MAP4K4: variants seen among roughly 807,000 people sequenced by gnomAD.
The protein encoded by MAP4K4 is HPK/GCK-like kinase HGK.
MAP4K4 carries 38 observed loss-of-function variants against 189.6 expected under a neutral mutation model. That is an observed-to-expected ratio of 0.20 (90% CI 0.15 to 0.26). MAP4K4 has a LOEUF of 0.26. Ranked by LOEUF, MAP4K4 falls within the 10% of genes least tolerant of loss-of-function variation. MAP4K4 has a pLI of 1.00. For synonymous variants in MAP4K4, 610 were observed against 624.3 expected, an observed-to-expected ratio of 0.98 and a Z score of 0.34; for missense variants, 1,054 against 1,726.9, an observed-to-expected ratio of 0.61 and a Z score of 6.91.
intron 2 of MAP4K4, among the ~76,000 whole-genome samples, chr2:101,733,608 C>T (rs2059337349): frequency 6.6e-6 from 1 of 152,174 alleles, no homozygotes; most frequent in Non-Finnish European, 1.5e-5. Context: ...AGGCTCTCAC[C>T]TTGTCACACC....
At chr2:101,882,775 T>G in intron 28 of MAP4K4, 90 bp downstream of exon 28, 1 of 1,300,916 alleles carries the variant, frequency 7.7e-7, no homozygotes, top group Non-Finnish European at 1.0e-6. Flanking sequence ...TTTTTGAAGT[T>G]TGTAATAATA....
intron 2 of MAP4K4, among the ~76,000 whole-genome samples, chr2:101,771,550 T>C (rs2081419052): frequency 6.6e-6 from 1 of 152,204 alleles, no homozygotes; most frequent in African/African-American, 2.4e-5. Flanking sequence ...ATTTTTCAGG[T>C]TCCTTTTGGA....
chr2:101,866,470 G>A, exon 19 of MAP4K4: 1 of 1,613,712 alleles, frequency 6.2e-7, no homozygotes, highest in Admixed American at 1.7e-5. Context: ...TGGAGAAGCT[G>A]GTGCCCAGAC....
intron 2 of MAP4K4, among the ~76,000 whole-genome samples, chr2:101,751,912 A>G (rs2069256583): frequency 6.6e-6 from 1 of 152,208 alleles, no homozygotes; most frequent in African/African-American, 2.4e-5. Context: ...AGGAGCCAGC[A>G]CAGTGTTCAT....
intron 2 of MAP4K4, among the ~76,000 whole-genome samples, chr2:101,759,140 A>G (rs1328292152): frequency 4.3e-5 from 2 of 46,996 alleles, no homozygotes; most frequent in Admixed American, 4.3e-4. Context: ...CTCAAAAAAA[A>G]AGAAAAAAAA....
chr2:101,735,544 T>C (rs985856124), intron 2 of MAP4K4, among the ~76,000 whole-genome samples: 1 of 152,166 alleles, frequency 6.6e-6, no homozygotes, highest in African/African-American at 2.4e-5. Context: ...CCCAGAATAC[T>C]CTAAGTCACT....
intron 26 of MAP4K4, among the ~76,000 whole-genome samples, chr2:101,875,137 T>C (rs1485379251): frequency 6.6e-6 from 1 of 152,230 alleles, no homozygotes. Flanking sequence ...GCAGCAGTTC[T>C]ATCAATAAAT....
At chr2:101,882,616 C>A in exon 28 of MAP4K4, 1 of 1,611,562 alleles carries the variant, frequency 6.2e-7, no homozygotes, top group Non-Finnish European at 8.5e-7. Context: ...TCACAATGAT[C>A]CAGAAGTTGA....
chr2:101,702,440 G>A (rs1055228669), intron 2 of MAP4K4, among the ~76,000 whole-genome samples: 1 of 152,020 alleles, frequency 6.6e-6, no homozygotes. Context: ...GTAGTGGGGG[G>A]TGCCTGTAAT....
chr2:101,865,502 G>A (rs891323950), intron 18 of MAP4K4, among the ~76,000 whole-genome samples: 4 of 152,168 alleles, frequency 2.6e-5, no homozygotes, highest in African/African-American at 7.2e-5. Flanking sequence ...TGTCCAGTAC[G>A]ATTAGCTACA....
rs1558913231 is a variant in MAP4K4 at position 101,785,686 on chromosome 2, C to CTTTTCCTTTTTTGAGT, written c.124-5033_124-5032insTTTCCTTTTTTGAGTT. Among the ~76,000 whole-genome samples, 14 of 1,428 alleles carry CTTTTCCTTTTTTGAGT rather than the reference C, an allele frequency of 9.8e-3. 1 individual carries two copies. Among genetic ancestry groups the CTTTTCCTTTTTTGAGT allele is most frequent in the East Asian group, 0.054 (3 of 56 alleles). The allele number at this position is 1,428 out of a possible 152,430, so 0.9% of individuals were successfully genotyped here. On this transcript the variant is annotated intron_variant, in intron 2 of 32. Transcript: ENST00000324219. ...TCTTTCTTTCTTTCTCCCTCTCTCT[C>CTTTTCCTTTTTTGAGT]TCTCTCTCTCTCTCTCTCTCTCTCT...
chr2:101,781,283 C>T (rs2087257582), intron 2 of MAP4K4, among the ~76,000 whole-genome samples: 1 of 152,156 alleles, frequency 6.6e-6, no homozygotes, highest in Non-Finnish European at 1.5e-5. Context: ...TGTAATGCAT[C>T]TTCACCAGAT....
chr2:101,831,970 A>G, intron 7 of MAP4K4, 119 bp downstream of exon 7: 1 of 1,247,226 alleles, frequency 8.0e-7, no homozygotes, highest in South Asian at 1.5e-5. Context: ...GAAGACCTTC[A>G]GTGAGGAAAA....
At chr2:101,734,152 T>A (rs912895235) in intron 2 of MAP4K4, among the ~76,000 whole-genome samples, 1 of 152,186 alleles carries the variant, frequency 6.6e-6, no homozygotes, top group Non-Finnish European at 1.5e-5. Context: ...TTATACAGGG[T>A]ATCATACTAC....
At chr2:101,721,397 T>C (rs1456351859) in intron 2 of MAP4K4, among the ~76,000 whole-genome samples, 1 of 151,818 alleles carries the variant, frequency 6.6e-6, no homozygotes, top group African/African-American at 2.4e-5. Context: ...GTCTGAAATA[T>C]CTTTGAGTAG....
chr2:101,784,717 G>A (rs1256544540), intron 2 of MAP4K4, among the ~76,000 whole-genome samples: 1 of 152,100 alleles, frequency 6.6e-6, no homozygotes, highest in African/African-American at 2.4e-5. Context: ...TTTATTATTG[G>A]TTACTGTATT....
chr2:101,766,726 T>C (rs1444545694), intron 2 of MAP4K4, among the ~76,000 whole-genome samples: 1 of 152,186 alleles, frequency 6.6e-6, no homozygotes, highest in Non-Finnish European at 1.5e-5. Context: ...ATGTTTCCTG[T>C]TCTAGGAAAT....
intron 3 of MAP4K4, among the ~76,000 whole-genome samples, chr2:101,804,974 T>G (rs1169864188): frequency 6.8e-6 from 1 of 146,148 alleles, no homozygotes; most frequent in African/African-American, 2.6e-5. Context: ...CTCGGGAGGC[T>G]GAGGCAGGAG....
chr2:101,802,754 A>G (rs1575806018), intron 3 of MAP4K4, among the ~76,000 whole-genome samples: 2 of 151,972 alleles, frequency 1.3e-5, no homozygotes, highest in Non-Finnish European at 1.5e-5. Flanking sequence ...GTCTCCCAAG[A>G]ATATAACCTC....
Sources: allele counts gnomAD v4.1 joint callset (sites outside exome capture counted in the v4.1 genomes callset), GRCh38; gene constraint gnomAD v4.1.1; transcripts MANE v1.5; gene names NCBI Gene and HGNC (gene_info 2026-07-23, HGNC 2026-07-21).